The following TRIM49 variants were observed in gnomAD, a reference collection of about 807,000 sequenced individuals.
TRIM49 encodes tripartite motif containing 49.
A neutral mutation model predicts 27.4 loss-of-function variants in TRIM49; 5 were observed. The observed-to-expected ratio is 0.18, with a 90% confidence interval of 0.10 to 0.38. TRIM49 has a LOEUF of 0.38. Ranked by LOEUF, TRIM49 falls within the 10% of genes least tolerant of loss-of-function variation. The probability of loss-of-function intolerance (pLI) is 1.00; values close to 1 mark genes in which losing one functional copy is unlikely to be tolerated. For synonymous variants in TRIM49, 69 were observed against 166.0 expected (o/e 0.42, Z 4.49); for missense variants, 188 against 487.5 (o/e 0.39, Z 5.79).
At chr11:89,793,427 C>CA (rs1457082042), downstream of TRIM49, among the ~76,000 whole-genome samples, 7 of 152,136 alleles carry the variant, frequency 4.6e-5, no homozygotes, top group South Asian at 2.1e-4. Flanking sequence ...AGAGACACAA[C>CA]AAAAAAAGAG....
the TRIM49 span, among the ~76,000 whole-genome samples, chr11:89,768,502 C>T: frequency 4.5e-5 from 6 of 134,266 alleles, 3 homozygotes; most frequent in African/African-American, 2.1e-4. Context: ...CTATTTGCCA[C>T]CAAATAGTTG....
At chr11:89,785,745 C>G in the TRIM49 span, among the ~76,000 whole-genome samples, 1 of 143,138 alleles carries the variant, frequency 7.0e-6, no homozygotes. Flanking sequence ...TTTTTAATCC[C>G]AATAATCCGA....
chr11:89,773,053 T>A, the TRIM49 span, among the ~76,000 whole-genome samples: 1 of 136,748 alleles, frequency 7.3e-6, no homozygotes, highest in Non-Finnish European at 1.5e-5. Flanking sequence ...TAGCCAGTCA[T>A]GGTGGCAGAC....
the TRIM49 span, chr11:89,768,098 A>T: frequency 1.4e-6 from 1 of 698,854 alleles, no homozygotes; most frequent in East Asian, 3.4e-5. Context: ...CTCTTGTTCT[A>T]GATGAAAAAT....
At chr11:89,773,984 T>C in the TRIM49 span, among the ~76,000 whole-genome samples, 1 of 136,246 alleles carries the variant, frequency 7.3e-6, no homozygotes, top group Admixed American at 6.8e-5. Context: ...GAAATAATTG[T>C]TGTATTTAAA....
At chr11:89,784,558 T>C in the TRIM49 span, among the ~76,000 whole-genome samples, 9 of 129,154 alleles carry the variant, frequency 7.0e-5, no homozygotes, top group African/African-American at 2.8e-4. Flanking sequence ...CTTTTGGACT[T>C]GCTGCTTTTT....
the TRIM49 span, among the ~76,000 whole-genome samples, chr11:89,772,472 G>T: frequency 7.8e-6 from 1 of 127,920 alleles, no homozygotes; most frequent in Non-Finnish European, 1.5e-5. Context: ...AACATTCAAA[G>T]ACTTTATCTT....
chr11:89,766,682 C>A, the TRIM49 span: 32 of 1,522,228 alleles, frequency 2.1e-5, 3 homozygotes, highest in Non-Finnish European at 2.6e-5. Flanking sequence ...TGGTGACATT[C>A]AAAAAACTCA....
At chr11:89,808,187 A>G (rs1329743968) in intron 1 of TRIM49, among the ~76,000 whole-genome samples, 1 of 143,890 alleles carries the variant, frequency 6.9e-6, no homozygotes, top group African/African-American at 2.9e-5. Context: ...TTCTATGCCA[A>G]GTCTTTTTGT....
At chr11:89,807,406 A>G (rs1336243702) in intron 1 of TRIM49, 122 bp from the exon 2 acceptor site, 2 of 151,612 alleles carry the variant, frequency 1.3e-5, no homozygotes, top group Admixed American at 6.5e-5. Flanking sequence ...AATTATCATC[A>G]CACTTTCATT....
chr11:89,797,152 T>G (rs1949696638), downstream of TRIM49, among the ~76,000 whole-genome samples: 2 of 151,498 alleles, frequency 1.3e-5, no homozygotes, highest in South Asian at 4.2e-4. Flanking sequence ...TTTTTATATT[T>G]GGCTAGTTAT....
the TRIM49 span, among the ~76,000 whole-genome samples, chr11:89,791,270 T>C: frequency 1.3e-5 from 2 of 152,026 alleles, no homozygotes; most frequent in Non-Finnish European, 2.9e-5. Flanking sequence ...CTGTGTCTGA[T>C]TGGTGATGAA....
chr11:89,789,922 T>G, the TRIM49 span, among the ~76,000 whole-genome samples: 1 of 150,942 alleles, frequency 6.6e-6, no homozygotes, highest in Non-Finnish European at 1.5e-5. Flanking sequence ...GGACAGTGGG[T>G]GCAGCCCACC....
the TRIM49 span, among the ~76,000 whole-genome samples, chr11:89,768,587 CA>C: frequency 9.6e-5 from 13 of 135,660 alleles, 2 homozygotes; most frequent in Non-Finnish European, 2.0e-4. Context: ...CTCTTCAAAA[CA>C]GAAACCCCTG....
the TRIM49 span, among the ~76,000 whole-genome samples, chr11:89,790,792 A>G: frequency 6.8e-6 from 1 of 146,234 alleles, no homozygotes; most frequent in African/African-American, 2.6e-5. Context: ...AACCACAAAG[A>G]TGGGGAAAAA....
chr11:89,803,999 T>G (rs1199427693), intron 3 of TRIM49, 60 bp downstream of exon 3: 1 of 1,611,350 alleles, frequency 6.2e-7, no homozygotes, highest in Non-Finnish European at 8.5e-7. Flanking sequence ...TCCAAGAAAA[T>G]AGACCCACAG....
downstream of TRIM49, among the ~76,000 whole-genome samples, chr11:89,793,167 C>A (rs1188958201): frequency 6.6e-6 from 1 of 152,088 alleles, no homozygotes; most frequent in Non-Finnish European, 1.5e-5. Context: ...CATACACTCT[C>A]CCAAGACTAA....
chr11:89,775,561 T>C, the TRIM49 span, among the ~76,000 whole-genome samples: 4 of 129,192 alleles, frequency 3.1e-5, 1 homozygote, highest in Non-Finnish European at 6.2e-5. Flanking sequence ...GTGGAAAACC[T>C]AATACATATC....
At chr11:89,768,234 T>A in the TRIM49 span, 2 of 1,486,422 alleles carry the variant, frequency 1.3e-6, no homozygotes, top group Non-Finnish European at 1.8e-6. Flanking sequence ...ATGGGCCCTG[T>A]AGGGAACTCT....
Sources: gnomAD v4.1 joint callset for allele counts (sites outside exome capture counted in the v4.1 genomes callset) on GRCh38, gnomAD v4.1.1 for gene constraint, MANE v1.5 for transcripts, NCBI Gene and HGNC (gene_info 2026-07-23, HGNC 2026-07-21) for gene names.